Variants in NRG4 observed in about 807,000 individuals in gnomAD.
NRG4 encodes pro-neuregulin-4, membrane-bound isoform.
Under a neutral mutation model 15.0 loss-of-function variants are expected in NRG4, and 10 were observed. The ratio of observed to expected loss-of-function variants is 0.67; its 90% CI spans 0.41 to 1.13. The LOEUF (loss-of-function observed/expected upper bound fraction) is 1.13, where lower values mean the gene tolerates loss of function less well. Ranked by LOEUF, NRG4 falls within the 50% of genes most tolerant of loss-of-function variation. NRG4 has a pLI of 0.00. For missense variants in NRG4, 139 were observed against 140.2 expected (o/e 0.99, Z 0.04); for synonymous variants, 41 against 50.1 (o/e 0.82, Z 0.77).
intron 3 of NRG4, among the ~76,000 whole-genome samples, chr15:75,984,991 C>T (rs113670074): frequency 0.018 from 2,675 of 152,084 alleles, 89 homozygotes; most frequent in African/African-American, 0.061. Context: ...ACTACAGGCA[C>T]GCCTCACCAT....
chr15:75,962,195 AG>A (rs1347997460), intron 3 of NRG4, among the ~76,000 whole-genome samples: 1 of 152,218 alleles, frequency 6.6e-6, no homozygotes, highest in Non-Finnish European at 1.5e-5. Context: ...TTCTTTTTCC[AG>A]TTTTCCAACT....
chr15:76,046,775 C>T (rs572632288), intron 4 of NRG4, among the ~76,000 whole-genome samples: 2 of 150,926 alleles, frequency 1.3e-5, no homozygotes, highest in Non-Finnish European at 3.0e-5. Context: ...TGGGGTAAGA[C>T]CTCAAAGGCA....
intron 4 of NRG4, among the ~76,000 whole-genome samples, chr15:76,039,136 G>A (rs1054112626): frequency 2.0e-5 from 3 of 152,112 alleles, no homozygotes; most frequent in South Asian, 2.1e-4. Context: ...AAACCTTCCC[G>A]AGACAGGTGG....
intron 5 of NRG4, among the ~76,000 whole-genome samples, chr15:76,017,555 C>T (rs1053135597): frequency 1.3e-5 from 2 of 152,074 alleles, no homozygotes; most frequent in African/African-American, 4.8e-5. Flanking sequence ...TCAGCATTTG[C>T]TTGTCTGTAA....
chr15:76,033,546 G>A (rs1037824604), intron 5 of NRG4, among the ~76,000 whole-genome samples: 1 of 152,200 alleles, frequency 6.6e-6, no homozygotes, highest in African/African-American at 2.4e-5. Context: ...GGTTGTAACA[G>A]TCAACCCAGT....
intron 3 of NRG4, among the ~76,000 whole-genome samples, chr15:75,965,295 C>CT (rs2032745463): frequency 6.6e-6 from 1 of 152,032 alleles, no homozygotes; most frequent in Admixed American, 6.6e-5. Context: ...ACAATAAATA[C>CT]TTTGAGTTGG....
intron 3 of NRG4, among the ~76,000 whole-genome samples, chr15:75,998,587 CATATCA>C (rs1216715240): frequency 6.6e-6 from 1 of 152,054 alleles, no homozygotes; most frequent in Non-Finnish European, 1.5e-5. Flanking sequence ...TAATAGGGGC[CATATCA>C]TTAAGGTTTT....
chr15:75,990,407 G>A (rs13313432), intron 3 of NRG4, among the ~76,000 whole-genome samples: 2,710 of 152,156 alleles, frequency 0.018, 89 homozygotes, highest in African/African-American at 0.061. Flanking sequence ...AAGGGAGCCC[G>A]GAAGATTAGA....
chr15:76,011,798 A>G (rs1360291603), intron 1 of NRG4, among the ~76,000 whole-genome samples: 1 of 152,128 alleles, frequency 6.6e-6, no homozygotes, highest in Non-Finnish European at 1.5e-5. Flanking sequence ...CATGTTATAA[A>G]CACACTATGT....
chr15:76,007,925 A>T (rs2034666820), intron 3 of NRG4, among the ~76,000 whole-genome samples: 1 of 152,026 alleles, frequency 6.6e-6, no homozygotes, highest in South Asian at 2.1e-4. Context: ...CCCCTTTTTT[A>T]AAAAATTATT....
chr15:75,989,287 C>A (rs894706503), intron 3 of NRG4, among the ~76,000 whole-genome samples: 20 of 151,998 alleles, frequency 1.3e-4, no homozygotes, highest in African/African-American at 3.4e-4. Flanking sequence ...CTGTTTCCAT[C>A]TGGTTTCAGT....
intron 5 of NRG4, among the ~76,000 whole-genome samples, chr15:75,952,924 CAT>C (rs1265995273): frequency 3.3e-5 from 5 of 152,096 alleles, no homozygotes; most frequent in Non-Finnish European, 7.3e-5. Context: ...GTATAAGTCT[CAT>C]ATGTATGATT....
chr15:75,979,082 C>G (rs2033492466), intron 3 of NRG4, among the ~76,000 whole-genome samples: 1 of 152,100 alleles, frequency 6.6e-6, no homozygotes, highest in African/African-American at 2.4e-5. Flanking sequence ...TGTCTCTTCA[C>G]TCTGTTGGCT....
At chr15:76,039,445 A>G (rs1319438018) in intron 4 of NRG4, among the ~76,000 whole-genome samples, 1 of 152,220 alleles carries the variant, frequency 6.6e-6, no homozygotes, top group Non-Finnish European at 1.5e-5. Flanking sequence ...AATAGGTAGA[A>G]ATTCTGAAGG....
rs1419581581 is a variant in NRG4, at chr15:75,977,992, T to G, written c.105-16018A>C. ...CCACCATGCCCAGCTAATTTTTGTA[T>G]TTTTAGTAGAGATGGGATTTCACCA... is the stretch of plus-strand genomic sequence containing the variant. On this transcript the variant is annotated intron_variant, in intron 3 of 5. Coordinates refer to ENST00000394907, the MANE Select transcript of NRG4 (RefSeq NM_138573.4). This position sits in a 1 kb window ranked among gnomAD's most constrained non-coding sequence, Gnocchi z 4.9. Among the ~76,000 whole-genome samples, 1 of 152,030 alleles carries G rather than the reference T, an allele frequency of 6.6e-6. No individual in the cohort carries two copies. The highest frequency in any genetic ancestry group is 1.5e-5 in the Non-Finnish European group (1 of 67,978).
At chr15:75,976,996 G>A (rs1407475119) in intron 3 of NRG4, among the ~76,000 whole-genome samples, 1 of 152,194 alleles carries the variant, frequency 6.6e-6, no homozygotes, top group Admixed American at 6.5e-5. Flanking sequence ...CCCTGACTGG[G>A]GCTGCTGCCT....
chr15:76,013,179 AG>A (rs1221262586), upstream of NRG4, among the ~76,000 whole-genome samples: 2 of 152,206 alleles, frequency 1.3e-5, no homozygotes, highest in Non-Finnish European at 2.9e-5. Context: ...TGTTGTTTTA[AG>A]AAAATATTAA....
At chr15:76,028,081 AAT>A (rs2035362498) in intron 5 of NRG4, among the ~76,000 whole-genome samples, 1 of 152,162 alleles carries the variant, frequency 6.6e-6, no homozygotes, top group South Asian at 2.1e-4. Context: ...AAAGATTTCA[AAT>A]AAACAATTTA....
chr15:75,969,640 C>CA (rs375045532), intron 3 of NRG4, among the ~76,000 whole-genome samples: 2 of 152,248 alleles, frequency 1.3e-5, no homozygotes, highest in African/African-American at 4.8e-5. Context: ...CATATCCTGC[C>CA]ATGTGTGCTT....
Sources: gnomAD v4.1 joint callset for allele counts (sites outside exome capture counted in the v4.1 genomes callset) on GRCh38, gnomAD v4.1.1 for gene constraint, Gnocchi (gnomAD v3.1) non-coding constraint, MANE v1.5 for transcripts, NCBI Gene and HGNC (gene_info 2026-07-23, HGNC 2026-07-21) for gene names.